The following GALNT17 variants were observed in gnomAD, a reference collection of about 807,000 sequenced individuals.
GALNT17 encodes polypeptide N-acetylgalactosaminyltransferase 17.
A neutral mutation model predicts 63.7 loss-of-function variants in GALNT17; 29 were observed. That is an observed-to-expected ratio of 0.46 (90% CI 0.34 to 0.62). The LOEUF (loss-of-function observed/expected upper bound fraction) is 0.62. Among genes scored for constraint, GALNT17 ranks in the 20% least tolerant of loss-of-function variants. GALNT17 has a pLI of 0.01. For missense variants in GALNT17, 603 were observed against 799.6 expected (o/e 0.75, Z 2.97); for synonymous variants, 305 against 318.3 (o/e 0.96, Z 0.45).
intron 5 of GALNT17, among the ~76,000 whole-genome samples, chr7:71,472,968 A>G (rs746549411): frequency 6.6e-6 from 1 of 152,220 alleles, no homozygotes; most frequent in African/African-American, 2.4e-5. Flanking sequence ...GTCAGGTTAC[A>G]GGTTGGCTTT....
intron 1 of GALNT17, among the ~76,000 whole-genome samples, chr7:71,315,204 T>G (rs150423717): frequency 6.6e-6 from 1 of 152,334 alleles, no homozygotes; most frequent in African/African-American, 2.4e-5. Context: ...TATCGGTACT[T>G]CCTTTCTTTT....
chr7:71,640,422 G>T (rs1320756874), intron 6 of GALNT17, among the ~76,000 whole-genome samples: 2 of 152,106 alleles, frequency 1.3e-5, no homozygotes, highest in Non-Finnish European at 2.9e-5. Context: ...ATCTGAGTCT[G>T]TAAACTTGGT....
At chr7:71,595,700 CACA>C (rs1789875488) in intron 6 of GALNT17, among the ~76,000 whole-genome samples, 2 of 146,470 alleles carry the variant, frequency 1.4e-5, no homozygotes, top group South Asian at 2.1e-4. Context: ...CACACACACA[CACA>C]CCATATTGCC....
intron 8 of GALNT17, among the ~76,000 whole-genome samples, chr7:71,671,777 G>A (rs1433587017): frequency 6.6e-6 from 1 of 152,198 alleles, no homozygotes; most frequent in Non-Finnish European, 1.5e-5. Flanking sequence ...TGTAATCCCA[G>A]CACTTTGGGA....
intron 1 of GALNT17, among the ~76,000 whole-genome samples, chr7:71,186,861 C>T (rs1285962802): frequency 6.6e-6 from 1 of 152,190 alleles, no homozygotes; most frequent in East Asian, 1.9e-4. Flanking sequence ...AAGGCTGGGC[C>T]TGCTGTAGCC....
At chr7:71,155,499 C>G (rs1788218416) in intron 1 of GALNT17, among the ~76,000 whole-genome samples, 1 of 151,762 alleles carries the variant, frequency 6.6e-6, no homozygotes, top group Non-Finnish European at 1.5e-5. Context: ...GTCTCCAACT[C>G]CTGGGCTCAA....
chr7:71,577,429 ACACG>A (rs898703108), intron 6 of GALNT17, among the ~76,000 whole-genome samples: 1 of 152,196 alleles, frequency 6.6e-6, no homozygotes, highest in African/African-American at 2.4e-5. Flanking sequence ...ACACACAAAC[ACACG>A]CACACACACG....
At chr7:71,496,589 G>T (rs904383211) in intron 5 of GALNT17, among the ~76,000 whole-genome samples, 3 of 152,154 alleles carry the variant, frequency 2.0e-5, no homozygotes, top group African/African-American at 7.2e-5. Context: ...CAACCTGAAA[G>T]GAGTGGAGGA....
At chr7:71,390,896 G>A (rs1039636761) in intron 3 of GALNT17, among the ~76,000 whole-genome samples, 1 of 152,192 alleles carries the variant, frequency 6.6e-6, no homozygotes, top group Admixed American at 6.5e-5. Flanking sequence ...GGAAAATCCA[G>A]GAGCAAGTGT....
intron 1 of GALNT17, among the ~76,000 whole-genome samples, chr7:71,296,224 C>A (rs1179525781): frequency 2.0e-5 from 3 of 152,124 alleles, no homozygotes; most frequent in Admixed American, 6.6e-5. Flanking sequence ...TTATCAGAGG[C>A]AAGAATGAAG....
chr7:71,221,383 CTTTTTTT>C (rs33954579), intron 1 of GALNT17, among the ~76,000 whole-genome samples: 2 of 110,900 alleles, frequency 1.8e-5, no homozygotes, highest in South Asian at 3.1e-4. Flanking sequence ...TACAGCCATG[CTTTTTTT>C]TTTTTTTTTT....
chr7:71,395,705 A>G (rs1793125766), intron 3 of GALNT17, among the ~76,000 whole-genome samples: 1 of 152,146 alleles, frequency 6.6e-6, no homozygotes, highest in African/African-American at 2.4e-5. Flanking sequence ...CAGCTGCACC[A>G]TTTTACATGA....
intron 5 of GALNT17, among the ~76,000 whole-genome samples, chr7:71,542,104 G>A (rs1469422208): frequency 6.6e-6 from 1 of 152,174 alleles, no homozygotes; most frequent in Non-Finnish European, 1.5e-5. Flanking sequence ...GATCGTGCAG[G>A]TGAATAACCG....
At chr7:71,552,677 G>A (rs1234111377) in intron 5 of GALNT17, among the ~76,000 whole-genome samples, 1 of 151,880 alleles carries the variant, frequency 6.6e-6, no homozygotes, top group African/African-American at 2.4e-5. Flanking sequence ...CCTGACCTTA[G>A]GTGATCCGTC....
chr7:71,568,324 A>G (rs1789383824), intron 5 of GALNT17, among the ~76,000 whole-genome samples: 1 of 152,158 alleles, frequency 6.6e-6, no homozygotes, highest in Admixed American at 6.5e-5. Context: ...CCTTCAGTGG[A>G]TTGTGGCAGT....
At chr7:71,156,256 C>A (rs1378412735) in intron 1 of GALNT17, among the ~76,000 whole-genome samples, 1 of 151,722 alleles carries the variant, frequency 6.6e-6, no homozygotes, top group East Asian at 1.9e-4. Context: ...GCTTGAACAC[C>A]TACCAAAGAT....
intron 5 of GALNT17, among the ~76,000 whole-genome samples, chr7:71,568,460 G>C (rs1336886184): frequency 6.6e-6 from 1 of 152,190 alleles, no homozygotes; most frequent in Non-Finnish European, 1.5e-5. Context: ...TAGTTGCTCG[G>C]ATGACAGAGG....
At chr7:71,366,391 G>T (rs1165646614) in intron 2 of GALNT17, among the ~76,000 whole-genome samples, 2 of 152,100 alleles carry the variant, frequency 1.3e-5, no homozygotes, top group Non-Finnish European at 2.9e-5. Flanking sequence ...GACCATCCTG[G>T]CCAACATAGT....
At chr7:71,246,115 G>GTTTTTTTTTTTTTTTTTTTTTTTTTT in intron 1 of GALNT17, among the ~76,000 whole-genome samples, 2 of 92,000 alleles carry the variant, frequency 2.2e-5, no homozygotes, top group Non-Finnish European at 4.3e-5. Context: ...TTTTTTCGTT[G>GTTTTTTTTTTTTTTTTTTTTTTTTTT]TTTTTTTTTT....
Sources: allele counts gnomAD v4.1 joint callset (sites outside exome capture counted in the v4.1 genomes callset), GRCh38; gene constraint gnomAD v4.1.1; transcripts MANE v1.5; gene names NCBI Gene and HGNC (gene_info 2026-07-23, HGNC 2026-07-21).